Variants in TIMP2 observed in about 807,000 individuals in gnomAD.
The protein encoded by TIMP2 is metalloproteinase inhibitor 2.
TIMP2 carries 5 observed loss-of-function variants against 24.3 expected under a neutral mutation model. The observed-to-expected ratio is 0.21, with a 90% CI of 0.11 to 0.43. TIMP2 has a LOEUF of 0.43. Ranked by LOEUF, TIMP2 falls within the 20% of genes least tolerant of loss-of-function variation. The pLI, the probability that TIMP2 is intolerant of heterozygous loss-of-function variation, is 1.00. For synonymous variants in TIMP2, 130 were observed against 123.2 expected, an observed-to-expected ratio of 1.06 and a Z score of -0.37; for missense variants, 221 against 297.5, an observed-to-expected ratio of 0.74 and a Z score of 1.89.
At chr17:78,892,075 TCC>T (rs2069906961) in intron 1 of TIMP2, 1 of 1,551,718 alleles carries the variant, frequency 6.4e-7, no homozygotes, top group Non-Finnish European at 8.7e-7. Flanking sequence ...CCCTGGCCCG[TCC>T]TCCTCCCCAG....
chr17:78,886,874 G>A (rs576319895), intron 1 of TIMP2, among the ~76,000 whole-genome samples: 5 of 152,152 alleles, frequency 3.3e-5, no homozygotes, highest in African/African-American at 4.8e-5. Context: ...ATAGGTGCAC[G>A]CCAGTATGCC....
At position 78,910,913 on chromosome 17, in the gene TIMP2, T is replaced by C. The variant is rs2070201377; in HGVS notation, c.130+14046A>G. Among the ~76,000 whole-genome samples, 8 of 152,360 alleles carry C rather than the reference T, an allele frequency of 5.3e-5. No homozygotes were observed. The South Asian group carries it at 1.7e-3, about 32-fold the overall frequency. On this transcript the variant is annotated intron_variant, in intron 1 of 4. Coordinates refer to ENST00000262768, the MANE Select transcript of TIMP2 (RefSeq NM_003255.5). ...ATATCTTGGCTATTGTGAACAGTGC[T>C]GCCAGGACCATGGGGGTGCAGGTGT...
chr17:78,891,569 C>T lies in TIMP2; in HGVS notation c.131-17650G>A. 6.4e-7 allele frequency: 1 copy of T among 1,550,874 alleles called. No homozygotes were observed. Among genetic ancestry groups the T allele is most frequent in the Non-Finnish European group, 8.7e-7 (1 of 1,147,052 alleles). On this transcript the variant is annotated intron_variant, in intron 1 of 4. Coordinates refer to ENST00000262768, the MANE Select transcript of TIMP2 (RefSeq NM_003255.5). The surrounding 1 kb of genome is among the most constrained non-coding windows in gnomAD (Gnocchi z 4.5). ...CCTTCTGCAGCTGGAATCAGCTGGC[C>T]ACAGCTGCCCGAGGTCTCTCAGCTT... is the stretch of plus-strand genomic sequence containing the variant.
intron 2 of TIMP2, among the ~76,000 whole-genome samples, chr17:78,873,054 C>A (rs766237237): frequency 6.6e-6 from 1 of 152,100 alleles, no homozygotes; most frequent in Non-Finnish European, 1.5e-5. Flanking sequence ...TGGTCTTGAA[C>A]TCCTGACTTC....
intron 1 of TIMP2, among the ~76,000 whole-genome samples, chr17:78,923,684 C>CTG (rs56139921): frequency 0.78 from 118,729 of 151,996 alleles, 47,089 homozygotes; most frequent in Admixed American, 0.87. Context: ...TTTGTGGAAA[C>CTG]TGACACAGGC....
chr17:78,871,031 G>A lies in TIMP2; in HGVS notation c.232-25C>T, dbSNP rs112012601. 1.2e-3 allele frequency: 1,927 copies of A among 1,590,788 alleles called. 15 individuals carry two copies. The African/African-American group carries it at 0.021, about 17-fold the overall frequency. On this transcript the variant is annotated intron_variant, in intron 2 of 4. Transcript: ENST00000262768. ...TCTGGAAAGACAAGGAGGAGGACAT[G>A]TAAGCAGAGGGAGGCCACACAGTTG...
Position 78,896,802 on chromosome 17 carries a change from C to T in TIMP2, c.131-22883G>A, listed in dbSNP as rs1262622430. On this transcript the variant is annotated intron_variant, in intron 1 of 4. Transcript: ENST00000262768. The surrounding 1 kb of genome is among the most constrained non-coding windows in gnomAD (Gnocchi z 4.4). Reference sequence around the variant, plus strand: ...CACAGAGCGGAGTGGACACTGGGCCCATTCTCCTCTCTTGCTCTCTACAGC... The same window carrying T: ...CACAGAGCGGAGTGGACACTGGGCCTATTCTCCTCTCTTGCTCTCTACAGC... The T allele has an allele frequency of 1.5e-5, 7 of 467,616 alleles. No homozygotes were observed. Among genetic ancestry groups the T allele is most frequent in the African/African-American group, 2.1e-5 (1 of 46,900 alleles). The allele number at this position is 467,616 out of a possible 1,614,324, so 29.0% of individuals were successfully genotyped here.
chr17:78,864,833 C>A (rs1017603289), intron 3 of TIMP2, among the ~76,000 whole-genome samples: 3 of 152,078 alleles, frequency 2.0e-5, no homozygotes, highest in Admixed American at 2.0e-4. Flanking sequence ...AGGCGGATCA[C>A]CTGAGGTCAG....
intron 1 of TIMP2, among the ~76,000 whole-genome samples, chr17:78,908,003 T>A (rs1440117132): frequency 6.6e-6 from 1 of 151,998 alleles, no homozygotes; most frequent in Admixed American, 6.6e-5. Context: ...GGCATAGTGG[T>A]GTGTGTCTGT....
chr17:78,873,306 T>TAA (rs2069701182), intron 2 of TIMP2, among the ~76,000 whole-genome samples: 2 of 131,428 alleles, frequency 1.5e-5, no homozygotes, highest in Non-Finnish European at 3.2e-5. Flanking sequence ...GCCACATATT[T>TAA]TTTTTTTTTT....
Position 78,924,132 on chromosome 17 carries a change from G to A in TIMP2, c.130+827C>T, listed in dbSNP as rs1568011066. 6.6e-6 allele frequency among the ~76,000 whole-genome samples: 1 copy of A among 152,194 alleles called. No homozygotes were observed. The highest frequency in any genetic ancestry group is 1.9e-4 in the East Asian group (1 of 5,190). On this transcript the variant is annotated intron_variant, in intron 1 of 4. Transcript: ENST00000262768. The surrounding 1 kb of genome is among the most constrained non-coding windows in gnomAD (Gnocchi z 5.3). ...GCTGGTCCTCCCCCTCCATGGATCA[G>A]AACAAATAACTGGGCCCCTCCTGCC...
chr17:78,885,791 C>G lies in TIMP2; in HGVS notation c.131-11872G>C, dbSNP rs544767415. On this transcript the variant is annotated intron_variant, in intron 1 of 4. Transcript: ENST00000262768. ...CTGCTGGCAAATGGCAGAGCCAGGG[C>G]TCCAACCCCGGCAGTAGGGCTCTCA... Among the ~76,000 whole-genome samples the G allele has an allele frequency of 3.9e-5, 6 of 152,294 alleles. No individual in the cohort carries two copies. In the South Asian group the frequency reaches 1.2e-3, roughly 32 times the overall value.
chr17:78,907,006 A>C (rs543838882), intron 1 of TIMP2, among the ~76,000 whole-genome samples: 1 of 152,054 alleles, frequency 6.6e-6, no homozygotes, highest in East Asian at 1.9e-4. Context: ...GGCTTTCAAC[A>C]CGCCTTCCTC....
chr17:78,857,261 T>A, intron 4 of TIMP2: 1 of 450,706 alleles, frequency 2.2e-6, no homozygotes, highest in Non-Finnish European at 4.0e-6. Context: ...GTGCCGGGAT[T>A]ACAGGCGTGA....
chr17:78,904,343 T>A (rs1430922062), intron 1 of TIMP2: 1 of 152,010 alleles, frequency 6.6e-6, no homozygotes, highest in African/African-American at 2.4e-5. Flanking sequence ...GAAATCATGA[T>A]TTGGGTCCGA....
intron 3 of TIMP2, among the ~76,000 whole-genome samples, chr17:78,864,504 A>G (rs992247870): frequency 3.3e-5 from 5 of 151,852 alleles, no homozygotes; most frequent in Non-Finnish European, 5.9e-5. Flanking sequence ...CAGCCTCCCA[A>G]AATGCTAGGA....
At chr17:78,911,894 C>CA (rs60505603) in intron 1 of TIMP2, among the ~76,000 whole-genome samples, 50,024 of 111,778 alleles carry the variant, frequency 0.45, 9,987 homozygotes, top group Middle Eastern at 0.49. Context: ...AAAAACACAC[C>CA]AAAAAAAAAA....
chr17:78,878,115 C>T (rs572045884), intron 1 of TIMP2, among the ~76,000 whole-genome samples: 7 of 152,294 alleles, frequency 4.6e-5, no homozygotes, highest in Admixed American at 2.0e-4. Flanking sequence ...TACTTCAAAA[C>T]GGCCAAAATG....
chr17:78,863,918 C>T (rs962363349), intron 3 of TIMP2, among the ~76,000 whole-genome samples: 1 of 152,172 alleles, frequency 6.6e-6, no homozygotes, highest in Non-Finnish European at 1.5e-5. Context: ...CCCCCATGTA[C>T]GGATCGGCAT....
Sources: gnomAD v4.1 joint callset for allele counts (sites outside exome capture counted in the v4.1 genomes callset) on GRCh38, gnomAD v4.1.1 for gene constraint, Gnocchi (gnomAD v3.1) non-coding constraint, MANE v1.5 for transcripts, NCBI Gene and HGNC (gene_info 2026-07-23, HGNC 2026-07-21) for gene names.